MRTFA: variants seen among roughly 807,000 people sequenced by gnomAD.
The protein encoded by MRTFA is myocardin-related transcription factor A.
In MRTFA, 20 loss-of-function variants were observed where a neutral mutation model predicts 83.5. The ratio of observed to expected loss-of-function variants is 0.24; its 90% CI spans 0.17 to 0.35. MRTFA has a LOEUF of 0.35. Among genes scored for constraint, MRTFA ranks in the 10% least tolerant of loss-of-function variants. The pLI is 1.00. For missense variants in MRTFA, 1,200 were observed against 1,224.7 expected (o/e 0.98, Z 0.30); for synonymous variants, 659 against 541.2 (o/e 1.22, Z -3.02).
At chr22:40,533,573 G>C (rs1378116025) in intron 3 of MRTFA, 1 of 1,219,902 alleles carries the variant, frequency 8.2e-7, no homozygotes, top group African/African-American at 1.6e-5. Context: ...TAGGAAATTA[G>C]GATTTATGTG....
chr22:40,420,295 G>T (rs908721306), intron 11 of MRTFA, 110 bp downstream of exon 11: 1 of 1,279,684 alleles, frequency 7.8e-7, no homozygotes, highest in Non-Finnish European at 1.1e-6. Context: ...TGCTTTCCAT[G>T]ACGGTGGGTC....
intron 4 of MRTFA, among the ~76,000 whole-genome samples, chr22:40,446,058 C>T (rs1227376894): frequency 6.6e-6 from 1 of 152,164 alleles, no homozygotes; most frequent in Non-Finnish European, 1.5e-5. Flanking sequence ...GGTATATGTA[C>T]TTCTTAACAT....
intron 3 of MRTFA, among the ~76,000 whole-genome samples, chr22:40,494,039 T>A (rs1437363151): frequency 6.6e-6 from 1 of 152,178 alleles, no homozygotes; most frequent in Non-Finnish European, 1.5e-5. Flanking sequence ...GAGAAACTAT[T>A]TGAAAACTGG....
chr22:40,469,231 A>G (rs185531079), intron 3 of MRTFA, among the ~76,000 whole-genome samples: 67 of 152,264 alleles, frequency 4.4e-4, no homozygotes, highest in Admixed American at 4.4e-3. Context: ...ATGATCCCCA[A>G]TGTTGGAGGC....
At chr22:40,420,615 G>C (rs376248679) in intron 10 of MRTFA, 39 bp from the exon 11 acceptor site, 3 of 1,602,152 alleles carry the variant, frequency 1.9e-6, no homozygotes, top group African/African-American at 1.3e-5. Flanking sequence ...ATCCAGCTTC[G>C]CCCGTGGCCT....
At chr22:40,537,142 CCA>C (rs2055198009) in intron 3 of MRTFA, among the ~76,000 whole-genome samples, 2 of 50,836 alleles carry the variant, frequency 3.9e-5, no homozygotes, top group African/African-American at 7.2e-5. Context: ...CGGCCAGCCG[CCA>C]CGTCCGGGAG....
intron 4 of MRTFA, among the ~76,000 whole-genome samples, chr22:40,456,423 C>T (rs2053587650): frequency 6.6e-6 from 1 of 152,198 alleles, no homozygotes; most frequent in South Asian, 2.1e-4. Flanking sequence ...TGCAGTGGCT[C>T]ACGCCTGTGA....
chr22:40,479,590 T>C (rs1168250828), intron 3 of MRTFA, among the ~76,000 whole-genome samples: 2 of 152,116 alleles, frequency 1.3e-5, no homozygotes, highest in Non-Finnish European at 2.9e-5. Flanking sequence ...ACACAACAAA[T>C]GTCAGGTTTT....
At chr22:40,581,091 C>G (rs1188965812) in intron 2 of MRTFA, among the ~76,000 whole-genome samples, 1 of 152,116 alleles carries the variant, frequency 6.6e-6, no homozygotes, top group East Asian at 1.9e-4. Context: ...GGATTACAGG[C>G]ATGAGCCACC....
At chr22:40,624,921 G>A (rs1490189207) in intron 1 of MRTFA, among the ~76,000 whole-genome samples, 1 of 152,168 alleles carries the variant, frequency 6.6e-6, no homozygotes, top group East Asian at 1.9e-4. Context: ...GGTCATTCAT[G>A]CTACAGAGTG....
intron 7 of MRTFA, 106 bp downstream of exon 7, chr22:40,429,500 A>G (rs150714662): frequency 4.5e-6 from 6 of 1,338,784 alleles, no homozygotes; most frequent in African/African-American, 4.3e-5. Flanking sequence ...CAGGAAGTCA[A>G]AGATTAAGAA....
At chr22:40,622,352 C>A (rs1286169132) in intron 1 of MRTFA, among the ~76,000 whole-genome samples, 1 of 151,632 alleles carries the variant, frequency 6.6e-6, no homozygotes, top group Non-Finnish European at 1.5e-5. Context: ...ATGATGGTGG[C>A]CTCCTGTAAT....
intron 1 of MRTFA, among the ~76,000 whole-genome samples, chr22:40,606,102 T>A (rs542415365): frequency 1.4e-3 from 207 of 152,288 alleles, no homozygotes; most frequent in African/African-American, 3.6e-3. Flanking sequence ...ATGAAAGCAA[T>A]TCTAATACTC....
At chr22:40,432,102 C>A (rs2053079630) in intron 5 of MRTFA, among the ~76,000 whole-genome samples, 1 of 152,044 alleles carries the variant, frequency 6.6e-6, no homozygotes, top group Non-Finnish European at 1.5e-5. Flanking sequence ...AAAAATTAGC[C>A]AGATGTGGTG....
At chr22:40,615,686 C>CTTTTTTT (rs59431175) in intron 1 of MRTFA, among the ~76,000 whole-genome samples, 4 of 142,328 alleles carry the variant, frequency 2.8e-5, no homozygotes, top group Non-Finnish European at 4.6e-5. Context: ...ATTTTCTTTT[C>CTTTTTTT]TTTTTTTTTT....
chr22:40,466,015 C>T (rs1420873434), intron 3 of MRTFA, among the ~76,000 whole-genome samples: 2 of 152,096 alleles, frequency 1.3e-5, no homozygotes, highest in East Asian at 3.8e-4. Context: ...CCTTACTTTG[C>T]CTCTCTAGGA....
At chr22:40,506,937 A>G (rs762651804) in intron 3 of MRTFA, among the ~76,000 whole-genome samples, 9 of 152,230 alleles carry the variant, frequency 5.9e-5, no homozygotes, top group Admixed American at 1.3e-4. Context: ...TAATTCTTCA[A>G]TGACCACATA....
chr22:40,539,845 TAA>T (rs751481381), intron 3 of MRTFA, among the ~76,000 whole-genome samples: 12 of 151,872 alleles, frequency 7.9e-5, no homozygotes, highest in Admixed American at 5.9e-4. Flanking sequence ...TTTTCACACT[TAA>T]ATTTTATAAA....
chr22:40,604,719 C>T (rs2056299311), intron 1 of MRTFA, among the ~76,000 whole-genome samples: 1 of 151,882 alleles, frequency 6.6e-6, no homozygotes, highest in Non-Finnish European at 1.5e-5. Context: ...TGCACTCCAG[C>T]CAGGTTACAG....
Sources: allele counts gnomAD v4.1 joint callset (sites outside exome capture counted in the v4.1 genomes callset), GRCh38; gene constraint gnomAD v4.1.1; transcripts MANE v1.5; gene names NCBI Gene and HGNC (gene_info 2026-07-23, HGNC 2026-07-21).